FAM227A: variants seen among roughly 807,000 people sequenced by gnomAD.
FAM227A encodes the protein protein FAM227A.
Under a neutral mutation model 74.7 loss-of-function variants are expected in FAM227A, and 80 were observed. The ratio of observed to expected loss-of-function variants is 1.07; its 90% confidence interval spans 0.89 to 1.29. The LOEUF is 1.29. Among genes scored for constraint, FAM227A ranks in the 50% most tolerant of loss-of-function variants. The pLI, the probability that FAM227A is intolerant of heterozygous loss-of-function variation, is 0.00. For missense variants in FAM227A, 654 were observed against 683.4 expected (o/e 0.96, Z 0.48); for synonymous variants, 237 against 241.8 (o/e 0.98, Z 0.19).
chr22:38,623,691 TCA>T (rs2091739565), intron 9 of FAM227A, among the ~76,000 whole-genome samples: 1 of 152,192 alleles, frequency 6.6e-6, no homozygotes, highest in South Asian at 2.1e-4. Flanking sequence ...TGTGAAGACA[TCA>T]CAGTTATTTG....
At chr22:38,645,446 T>C (rs1292748654) in intron 3 of FAM227A, 117 bp downstream of exon 3, 3 of 655,734 alleles carry the variant, frequency 4.6e-6, no homozygotes, top group African/African-American at 1.9e-5. Context: ...GAATACTCAA[T>C]TGTGTAAACA....
At chr22:38,626,891 A>AAAAAAT (rs1555966996) in intron 8 of FAM227A, among the ~76,000 whole-genome samples, 19 of 57,682 alleles carry the variant, frequency 3.3e-4, no homozygotes, top group African/African-American at 7.9e-4. Flanking sequence ...AAAAAAAAAA[A>AAAAAAT]ATATATATAT....
intron 11 of FAM227A, among the ~76,000 whole-genome samples, chr22:38,612,090 T>A (rs1292838150): frequency 6.6e-6 from 1 of 152,184 alleles, no homozygotes; most frequent in Admixed American, 6.5e-5. Flanking sequence ...GTCTGTCTGC[T>A]TCTTGCCACC....
chr22:38,626,423 G>C, intron 8 of FAM227A, 120 bp from the exon 9 acceptor site: 2 of 1,249,178 alleles, frequency 1.6e-6, no homozygotes, highest in Non-Finnish European at 2.2e-6. Flanking sequence ...GTTGTTTAGA[G>C]ACAAGGTTCT....
intron 9 of FAM227A, among the ~76,000 whole-genome samples, chr22:38,623,899 G>A (rs1489997580): frequency 6.6e-6 from 1 of 152,148 alleles, no homozygotes; most frequent in Non-Finnish European, 1.5e-5. Context: ...ATGCTTCCAA[G>A]GATTACTTGA....
intron 11 of FAM227A, among the ~76,000 whole-genome samples, chr22:38,610,302 G>A (rs1344379629): frequency 1.3e-5 from 2 of 152,168 alleles, no homozygotes; most frequent in Admixed American, 1.3e-4. Context: ...TAGGATTACA[G>A]GCCTGAGCCA....
At chr22:38,639,082 T>C (rs2092060198) in intron 4 of FAM227A, among the ~76,000 whole-genome samples, 1 of 151,900 alleles carries the variant, frequency 6.6e-6, no homozygotes, top group Non-Finnish European at 1.5e-5. Flanking sequence ...CTATAAAATA[T>C]ATTAAATGGT....
intron 16 of FAM227A, among the ~76,000 whole-genome samples, chr22:38,590,017 C>T (rs984563724): frequency 4.6e-5 from 7 of 151,876 alleles, no homozygotes; most frequent in East Asian, 1.9e-4. Context: ...GAGGCTGAGG[C>T]GGGCGGATCA....
chr22:38,597,796 C>G (rs1479646307), intron 14 of FAM227A, among the ~76,000 whole-genome samples: 1 of 152,124 alleles, frequency 6.6e-6, no homozygotes, highest in African/African-American at 2.4e-5. Flanking sequence ...GTAATCCCAG[C>G]ACTTTGGGAG....
At chr22:38,607,977 G>C (rs1195521341) in intron 11 of FAM227A, among the ~76,000 whole-genome samples, 2 of 152,096 alleles carry the variant, frequency 1.3e-5, no homozygotes, top group Admixed American at 6.6e-5. Context: ...TAGCAGGGGA[G>C]ATAACAGGAA....
chr22:38,610,784 C>T (rs1476591541), intron 11 of FAM227A, among the ~76,000 whole-genome samples: 4 of 152,206 alleles, frequency 2.6e-5, no homozygotes, highest in East Asian at 1.9e-4. Context: ...TTTCCTGGGC[C>T]GGCGCGGTGG....
intron 16 of FAM227A, 135 bp downstream of exon 16, chr22:38,591,300 A>G: frequency 1.4e-6 from 2 of 1,404,932 alleles, no homozygotes; most frequent in South Asian, 3.7e-5. Flanking sequence ...CTCAGCCTTG[A>G]GGAGAGAGTG....
chr22:38,606,897 G>A (rs13054269), intron 12 of FAM227A, among the ~76,000 whole-genome samples: 1 of 152,132 alleles, frequency 6.6e-6, no homozygotes, highest in Non-Finnish European at 1.5e-5. Flanking sequence ...TCAGTGCTTA[G>A]GCTGGGCGAG....
In FAM227A at chr22:38,584,796, T is replaced by A. The variant is rs1734728189; in HGVS notation, c.*1329A>T. On this transcript the variant is annotated 3_prime_UTR_variant, in exon 17 of 17. Coordinates refer to ENST00000535113, the MANE Select transcript of FAM227A (RefSeq NM_001013647.2). Reference sequence around the variant, plus strand: ...AAAATTTAATTTAGTTAAAATTAATTAAAAAAAATTTTTTTTTGAGACAGA... The same window carrying A: ...AAAATTTAATTTAGTTAAAATTAATAAAAAAAAATTTTTTTTTGAGACAGA... 1 of 151,886 alleles carries A rather than the reference T, an allele frequency of 6.6e-6. No individual in the cohort carries two copies. Among genetic ancestry groups the A allele is most frequent in the East Asian group, 1.9e-4 (1 of 5,194 alleles). The allele number at this position is 151,886 out of a possible 1,614,324, so 9.4% of individuals were successfully genotyped here.
chr22:38,593,242 C>G (rs1168595515), intron 15 of FAM227A, among the ~76,000 whole-genome samples: 1 of 152,222 alleles, frequency 6.6e-6, no homozygotes, highest in Admixed American at 6.5e-5. Context: ...CAGTGGCTCA[C>G]GCCTATAATC....
chr22:38,643,953 C>A (rs1161496394), intron 3 of FAM227A, among the ~76,000 whole-genome samples: 1 of 151,904 alleles, frequency 6.6e-6, no homozygotes, highest in Admixed American at 6.6e-5. Context: ...CGAGACCACC[C>A]TGGCTAACAT....
chr22:38,625,363 T>C (rs960279306), intron 9 of FAM227A, among the ~76,000 whole-genome samples: 2 of 142,732 alleles, frequency 1.4e-5, no homozygotes, highest in African/African-American at 5.3e-5. Flanking sequence ...CACTCCAGCC[T>C]GGACGACAGA....
chr22:38,600,986 CAGAT>C (rs1482230101), intron 13 of FAM227A, among the ~76,000 whole-genome samples: 3 of 149,446 alleles, frequency 2.0e-5, no homozygotes, highest in Non-Finnish European at 3.0e-5. Flanking sequence ...TAGTAAAAAA[CAGAT>C]AGATGAGAGA....
chr22:38,582,827 GT>G lies in FAM227A; in HGVS notation c.*3297del. ...CCATAATGGGATGGCACAGAATGCT[GT>G]TGGAGCATAATGCAGTGGAGCACTT... On this transcript the variant is annotated 3_prime_UTR_variant, in exon 17 of 17. Coordinates refer to ENST00000535113, the MANE Select transcript of FAM227A (RefSeq NM_001013647.2). 3 of 1,549,802 alleles carry G rather than the reference GT, an allele frequency of 1.9e-6. No individual in the cohort carries two copies. The highest frequency in any genetic ancestry group is 2.6e-6 in the Non-Finnish European group (3 of 1,146,882).
Sources: gnomAD v4.1 joint callset for allele counts (sites outside exome capture counted in the v4.1 genomes callset) on GRCh38, gnomAD v4.1.1 for gene constraint, MANE v1.5 for transcripts, NCBI Gene and HGNC (gene_info 2026-07-23, HGNC 2026-07-21) for gene names.